Variants in PCDHGB4 observed in about 807,000 individuals in gnomAD.
PCDHGB4 encodes protocadherin gamma-B4.
In PCDHGB4, 38 loss-of-function variants were observed where a neutral mutation model predicts 60.5. The observed-to-expected ratio is 0.63, with a 90% confidence interval of 0.48 to 0.82. The LOEUF (loss-of-function observed/expected upper bound fraction) is 0.82. Ranked by LOEUF, PCDHGB4 falls within the 40% of genes least tolerant of loss-of-function variation. The pLI, the probability that PCDHGB4 is intolerant of heterozygous loss-of-function variation, is 0.00. For synonymous variants in PCDHGB4, 456 were observed against 509.7 expected (o/e 0.89, Z 1.42); for missense variants, 1,109 against 1,209.6 (o/e 0.92, Z 1.23).
Position 141,432,388 on chromosome 5 carries a change from C to T in PCDHGB4, c.2397+42107C>T. The T allele has an allele frequency of 6.2e-7, 1 of 1,614,258 alleles. No homozygotes were observed. The highest frequency in any genetic ancestry group is 2.2e-5 in the East Asian group (1 of 44,892). The stretch of plus-strand genomic sequence containing the variant: ...GGGACAACGGGCACCCGCCCCTCAG[C>T]AGCAACGTGTCGTTGAGCCTGTTCG... On this transcript the variant is annotated intron_variant, in intron 1 of 3. Transcript: ENST00000519479. This position sits in a 1 kb window ranked among gnomAD's most constrained non-coding sequence, Gnocchi z 6.0.
intron 1 of PCDHGB4, chr5:141,423,165 C>T (rs1307049367): frequency 6.8e-6 from 11 of 1,613,434 alleles, no homozygotes; most frequent in Admixed American, 3.3e-5. Context: ...TCGTGGTGGC[C>T]GTCCAGGACC....
rs917165100 is a variant in PCDHGB4, at chr5:141,442,878, C to T, written c.2398-51929C>T. Among the ~76,000 whole-genome samples, 6 of 152,178 alleles carry T rather than the reference C, an allele frequency of 3.9e-5. No homozygotes were observed. In the South Asian group the frequency reaches 8.3e-4, roughly 21 times the overall value. The stretch of plus-strand genomic sequence containing the variant: ...GTATGAGAGATGTAAATTTACAACT[C>T]AGAATCCCTGCTTATCACTTCTCCT... On this transcript the variant is annotated intron_variant, in intron 1 of 3. Coordinates refer to ENST00000519479, the MANE Select transcript of PCDHGB4 (RefSeq NM_003736.4).
chr5:141,486,282 C>T lies in PCDHGB4; in HGVS notation c.2398-8525C>T. ...AGTGCAGAACCTGGCACTGTGGTGGCACTTATCAGTGTGCAGGATCCAGAC... is the reference window on the plus strand; with the variant it reads ...AGTGCAGAACCTGGCACTGTGGTGGTACTTATCAGTGTGCAGGATCCAGAC... On this transcript the variant is annotated intron_variant, in intron 1 of 3. Transcript: ENST00000519479. This position sits in a 1 kb window ranked among gnomAD's most constrained non-coding sequence, Gnocchi z 5.0. 6.2e-7 allele frequency: 1 copy of T among 1,614,052 alleles called. No homozygotes were observed. Among genetic ancestry groups the T allele is most frequent in the Non-Finnish European group, 8.5e-7 (1 of 1,179,992 alleles).
chr5:141,409,312 AAC>A (rs762706827), intron 1 of PCDHGB4: 39 of 1,613,880 alleles, frequency 2.4e-5, no homozygotes, highest in Admixed American at 1.7e-4. Flanking sequence ...CCCTCTTCAA[AAC>A]ACGGGATCTG....
In PCDHGB4 at chr5:141,478,301, G is replaced by C. The variant is rs778427815; in HGVS notation, c.2398-16506G>C. ...GAAGCAGTCTAGAGACCTATACCGA[G>C]CCCCGGTGAGCTCACTGTACCGAAC... On this transcript the variant is annotated intron_variant, in intron 1 of 3. Coordinates refer to ENST00000519479, the MANE Select transcript of PCDHGB4 (RefSeq NM_003736.4). 2.5e-6 allele frequency: 4 copies of C among 1,614,074 alleles called. No individual in the cohort carries two copies. In the South Asian group the frequency reaches 4.4e-5, roughly 18 times the overall value.
At chr5:141,394,885 T>C (rs769027830) in intron 1 of PCDHGB4, 1 of 1,613,758 alleles carries the variant, frequency 6.2e-7, no homozygotes. Context: ...AGCCTTACAC[T>C]CTATCTCGTG....
chr5:141,416,791 G>A (rs1389798483), intron 1 of PCDHGB4: 2 of 152,166 alleles, frequency 1.3e-5, no homozygotes, highest in South Asian at 2.1e-4. Context: ...TCTACTAAAT[G>A]TGGTAGTATA....
At chr5:141,456,701 G>C (rs370086323) in intron 1 of PCDHGB4, among the ~76,000 whole-genome samples, 1 of 151,988 alleles carries the variant, frequency 6.6e-6, no homozygotes. Flanking sequence ...GTGGTGGCTC[G>C]CGCCTGTAAT....
At position 141,485,100 on chromosome 5, in the gene PCDHGB4, C is replaced by G. The variant is rs900224386; in HGVS notation, c.2398-9707C>G. 1.0e-5 allele frequency: 12 copies of G among 1,148,882 alleles called. No homozygotes were observed. Among genetic ancestry groups the G allele is most frequent in the Non-Finnish European group, 1.4e-5 (11 of 778,894 alleles). 71.2% of individuals were successfully genotyped at this position (1,148,882 alleles called of 1,614,324 possible). On this transcript the variant is annotated intron_variant, in intron 1 of 3. Coordinates refer to ENST00000519479, the MANE Select transcript of PCDHGB4 (RefSeq NM_003736.4). This position sits in a 1 kb window ranked among gnomAD's most constrained non-coding sequence, Gnocchi z 5.7. ...GGGAAAGGGAGATAGGTGTCTCCAG[C>G]TGCTGTGGCTGTTTGGGGCGGGTCG...
chr5:141,437,741 CTTT>C (rs35124340), intron 1 of PCDHGB4, among the ~76,000 whole-genome samples: 1 of 141,708 alleles, frequency 7.1e-6, no homozygotes. Context: ...TTGAGTTCAC[CTTT>C]TTTTTTTTTT....
In PCDHGB4 at chr5:141,387,926, G is replaced by A. The variant is rs888934094; in HGVS notation, c.42G>A (p.Leu14=). The A allele has an allele frequency of 8.1e-7, 1 of 1,236,078 alleles. No individual in the cohort carries two copies. Among genetic ancestry groups the A allele is most frequent in the South Asian group, 1.5e-5 (1 of 65,770 alleles). 76.6% of individuals were successfully genotyped at this position (1,236,078 alleles called of 1,614,324 possible). A position where few individuals can be genotyped will look rare whatever the true frequency, so the allele number is the denominator to read the frequency against. ...GGGAGCTGGGCCGGGCTGAGAGGCT[G>A]CCAGTGCTCTTTCTCTTCCTGCTGT... The part of the protein sequence containing the change: ...GAGELGRAER[L]PVLFLFLLSL... The change falls in exon 1 of 4, where the codon CTG becomes CTA. Residue 14 remains leucine (L), a synonymous_variant. Coordinates refer to ENST00000519479, the MANE Select transcript of PCDHGB4 (RefSeq NM_003736.4).
At chr5:141,499,779 C>T (rs1450026011) in intron 2 of PCDHGB4, among the ~76,000 whole-genome samples, 3 of 151,452 alleles carry the variant, frequency 2.0e-5, no homozygotes, top group Non-Finnish European at 4.4e-5. Flanking sequence ...CTTCGCCTCC[C>T]GGGTTCAAGC....
chr5:141,470,860 T>G (rs2099242265), intron 1 of PCDHGB4, among the ~76,000 whole-genome samples: 1 of 151,788 alleles, frequency 6.6e-6, no homozygotes, highest in South Asian at 2.1e-4. Context: ...GATAAGTTTT[T>G]TGTTTGTTTG....
intron 1 of PCDHGB4, chr5:141,419,517 G>A: frequency 6.2e-7 from 1 of 1,612,224 alleles, no homozygotes; most frequent in South Asian, 1.1e-5. Context: ...GTGTTGGTGG[G>A]CGACCGTAAC....
chr5:141,421,322 T>TC (rs761059925), intron 1 of PCDHGB4: 24 of 1,613,746 alleles, frequency 1.5e-5, no homozygotes, highest in Middle Eastern at 1.6e-4. Flanking sequence ...GCCAGGCAGA[T>TC]CCGATATTCG....
rs564486909 is a variant in PCDHGB4, at chr5:141,428,072, G to C, written c.2397+37791G>C. ...AGGTGGTGGCGGTGGACGCAGATTC[G>C]GGACACAACGCTTGGCTGTCCTACC... is the stretch of plus-strand genomic sequence containing the variant. On this transcript the variant is annotated intron_variant, in intron 1 of 3. Transcript: ENST00000519479. 5 of 1,609,080 alleles carry C rather than the reference G, an allele frequency of 3.1e-6. 1 individual carries two copies. The South Asian group carries it at 5.5e-5, about 18-fold the overall frequency.
intron 1 of PCDHGB4, among the ~76,000 whole-genome samples, chr5:141,457,926 GGGCTTTTATT>G (rs1398565105): frequency 6.6e-6 from 1 of 151,120 alleles, no homozygotes; most frequent in Non-Finnish European, 1.5e-5. Context: ...TCTCCCCAAG[GGGCTTTTATT>G]GGCTCTGCAT....
chr5:141,427,435 T>G, intron 1 of PCDHGB4: 1 of 474,160 alleles, frequency 2.1e-6, no homozygotes, highest in Non-Finnish European at 4.2e-6. Context: ...ACATGCCTCA[T>G]AAACGAAAGA....
Position 141,495,110 on chromosome 5 carries a change from T to C in PCDHGB4, c.2456+245T>C, listed in dbSNP as rs74534116. Among the ~76,000 whole-genome samples the C allele has an allele frequency of 3.9e-3, 595 of 152,212 alleles. 3 individuals carry two copies. The highest frequency in any genetic ancestry group is 0.013 in the African/African-American group (538 of 41,532). On this transcript the variant is annotated intron_variant, in intron 2 of 3. Coordinates refer to ENST00000519479, the MANE Select transcript of PCDHGB4 (RefSeq NM_003736.4). The stretch of plus-strand genomic sequence containing the variant: ...TTCCCTCCTCGCCACGACCGGCACC[T>C]TTTCCTATCCCCTGAGGGCACTGTG...
Sources: gnomAD v4.1 joint callset for allele counts (sites outside exome capture counted in the v4.1 genomes callset) on GRCh38, gnomAD v4.1.1 for gene constraint, Gnocchi (gnomAD v3.1) non-coding constraint, MANE v1.5 for transcripts, NCBI Gene and HGNC (gene_info 2026-07-23, HGNC 2026-07-21) for gene names.